The following GUCY1B1 variants were observed in gnomAD, a reference collection of about 807,000 sequenced individuals.
The protein encoded by GUCY1B1 is guanylate cyclase soluble subunit beta-1.
Under a neutral mutation model 71.0 loss-of-function variants are expected in GUCY1B1, and 43 were observed. The ratio of observed to expected loss-of-function variants is 0.61; its 90% CI spans 0.47 to 0.78. The LOEUF (loss-of-function observed/expected upper bound fraction) is 0.78, where lower values mean the gene tolerates loss of function less well. GUCY1B1 is among the 30% of genes least tolerant of loss of function. GUCY1B1 has a pLI of 0.00. For missense variants in GUCY1B1, 535 were observed against 754.1 expected (o/e 0.71, Z 3.40); for synonymous variants, 266 against 259.7 (o/e 1.02, Z -0.23).
chr4:155,764,389 G>A (rs1380504), intron 2 of GUCY1B1, among the ~76,000 whole-genome samples: 125,054 of 152,090 alleles, frequency 0.82, 51,499 homozygotes, highest in East Asian at 0.84. Context: ...AACAAAGTTG[G>A]TTTTCCAAGA....
chr4:155,760,807 G>A (rs1268357592), intron 2 of GUCY1B1, among the ~76,000 whole-genome samples: 2 of 152,226 alleles, frequency 1.3e-5, no homozygotes, highest in Admixed American at 1.3e-4. Context: ...TGGGTGGGCA[G>A]ATGGGAATAC....
At chr4:155,767,098 C>T (rs562229127) in intron 2 of GUCY1B1, among the ~76,000 whole-genome samples, 2 of 152,268 alleles carry the variant, frequency 1.3e-5, no homozygotes, top group Admixed American at 6.5e-5. Flanking sequence ...GATTTGAACA[C>T]AGATAAAGTT....
intron 2 of GUCY1B1, among the ~76,000 whole-genome samples, chr4:155,765,762 T>C (rs1369954328): frequency 2.0e-5 from 3 of 152,284 alleles, no homozygotes; most frequent in Admixed American, 1.3e-4. Context: ...TCCAGCCCCA[T>C]GGGCCTGTTT....
chr4:155,779,486 T>C (rs1370843260), intron 4 of GUCY1B1, among the ~76,000 whole-genome samples: 6 of 149,664 alleles, frequency 4.0e-5, no homozygotes, highest in Non-Finnish European at 7.4e-5. Context: ...GTAGTTAACA[T>C]AGCTTTAAAT....
At chr4:155,784,195 T>A (rs2111078461) in intron 4 of GUCY1B1, among the ~76,000 whole-genome samples, 1 of 152,302 alleles carries the variant, frequency 6.6e-6, no homozygotes, top group African/African-American at 2.4e-5. Context: ...GTGACTCTGG[T>A]ACAGTTTCTT....
At chr4:155,779,339 A>G (rs1464949598) in intron 4 of GUCY1B1, among the ~76,000 whole-genome samples, 1 of 152,230 alleles carries the variant, frequency 6.6e-6, no homozygotes. Context: ...ACAAAGTGCA[A>G]TGTGCTGCAA....
chr4:155,802,511 C>A lies in GUCY1B1; in HGVS notation c.1345C>A (p.Leu449Ile), dbSNP rs1740027967. 1 of 1,612,604 alleles carries A rather than the reference C, an allele frequency of 6.2e-7. No homozygotes were observed. Among genetic ancestry groups the A allele is most frequent in the African/African-American group, 1.3e-5 (1 of 74,628 alleles). The change falls in exon 10 of 14, where the codon CTC becomes ATC. Residue 449 changes from leucine (L) to isoleucine (I), a missense_variant. Leu to Ile is a conservative substitution (Grantham distance 5). Coordinates refer to ENST00000264424, the MANE Select transcript of GUCY1B1 (RefSeq NM_000857.5). The surrounding 1 kb of genome is among the most constrained non-coding windows in gnomAD (Gnocchi z 4.3). ...SGEGAMKIVN[L>I]LNDLYTRFDT... ...AGAAGGAGCCATGAAGATCGTCAAC[C>A]TCCTCAACGACCTCTACACCAGATT... is the stretch of plus-strand genomic sequence containing the variant.
intron 8 of GUCY1B1, 33 bp downstream of exon 8, chr4:155,796,543 C>G (rs538361404): frequency 2.8e-6 from 4 of 1,447,014 alleles, no homozygotes; most frequent in Non-Finnish European, 3.8e-6. Context: ...TAGTGGCTAT[C>G]AGTACCTATC....
chr4:155,793,800 A>G (rs1276792995), intron 5 of GUCY1B1, 56 bp from the exon 6 acceptor site: 281 of 786,968 alleles, frequency 3.6e-4, no homozygotes, highest in Non-Finnish European at 2.8e-5. Context: ...ATATTTAGGT[A>G]TTTTTATTAA....
chr4:155,773,303 G>A (rs1220722299), intron 2 of GUCY1B1, among the ~76,000 whole-genome samples: 3 of 152,118 alleles, frequency 2.0e-5, no homozygotes, highest in African/African-American at 4.8e-5. Flanking sequence ...TGTTACATGC[G>A]TAGTAGGTGG....
intron 8 of GUCY1B1, among the ~76,000 whole-genome samples, chr4:155,796,889 A>T (rs1330944298): frequency 6.6e-6 from 1 of 152,210 alleles, no homozygotes. Flanking sequence ...TATATTTGAC[A>T]TCAAAAATTA....
At chr4:155,790,346 A>G (rs184039795) in intron 5 of GUCY1B1, among the ~76,000 whole-genome samples, 1 of 152,154 alleles carries the variant, frequency 6.6e-6, no homozygotes. Flanking sequence ...ATATAGTTGG[A>G]ATGTCTAATT....
At chr4:155,771,795 A>C (rs1737710634) in intron 2 of GUCY1B1, among the ~76,000 whole-genome samples, 1 of 152,310 alleles carries the variant, frequency 6.6e-6, no homozygotes. Flanking sequence ...ACATCTAACT[A>C]CCTACCAAGA....
At chr4:155,766,037 C>T (rs1737311237) in intron 2 of GUCY1B1, among the ~76,000 whole-genome samples, 1 of 152,146 alleles carries the variant, frequency 6.6e-6, no homozygotes, top group Non-Finnish European at 1.5e-5. Flanking sequence ...GCCTCCATAA[C>T]TCTTTCTAGA....
rs118006379 is a variant in GUCY1B1, at chr4:155,803,928, A to G, written c.1554+164A>G. On this transcript the variant is annotated intron_variant, in intron 11 of 13. Transcript: ENST00000264424. ...CACTGTACTACATTCTTTCATAGAC[A>G]TGGAGATTTATCTACCTGTTTGAAA... 2.5e-3 allele frequency among the ~76,000 whole-genome samples: 374 copies of G among 152,348 alleles called. 1 individual carries two copies. The East Asian group carries it at 0.026, about 10-fold the overall frequency.
chr4:155,791,779 CA>C (rs10669957), intron 5 of GUCY1B1, among the ~76,000 whole-genome samples: 2 of 144,452 alleles, frequency 1.4e-5, no homozygotes, highest in Non-Finnish European at 1.5e-5. Flanking sequence ...AAACGAAAAA[CA>C]AAAAAAAACA....
At chr4:155,791,175 C>T (rs1027198210) in intron 5 of GUCY1B1, among the ~76,000 whole-genome samples, 1 of 150,362 alleles carries the variant, frequency 6.7e-6, no homozygotes, top group Non-Finnish European at 1.5e-5. Flanking sequence ...AGTGCAGTGG[C>T]GCGATCTCCG....
chr4:155,802,250 A>G lies in GUCY1B1; in HGVS notation c.1176-92A>G. The G allele has an allele frequency of 1.3e-6, 2 of 1,566,640 alleles. No individual in the cohort carries two copies. Among genetic ancestry groups the G allele is most frequent in the Non-Finnish European group, 1.7e-6 (2 of 1,158,560 alleles). ...TAGAATCCAGGCCTTTAAAGTACAA[A>G]CGACACTGATGCTGTGTGAAAAGGA... On this transcript the variant is annotated intron_variant, in intron 9 of 13. Coordinates refer to ENST00000264424, the MANE Select transcript of GUCY1B1 (RefSeq NM_000857.5). This position sits in a 1 kb window ranked among gnomAD's most constrained non-coding sequence, Gnocchi z 4.3.
At position 155,807,754 on chromosome 4, in the gene GUCY1B1, T is replaced by G. The variant is rs1201693048; in HGVS notation, c.*1345T>G. On this transcript the variant is annotated 3_prime_UTR_variant, in exon 14 of 14. Transcript: ENST00000264424. ...TATTCTTAAATGCTATATTTCTTTT[T>G]AATACCAACAGAGTGACAGGAAATA... is the stretch of plus-strand genomic sequence containing the variant. 1.3e-5 allele frequency among the ~76,000 whole-genome samples: 2 copies of G among 152,124 alleles called. No homozygotes were observed. The highest frequency in any genetic ancestry group is 2.9e-5 in the Non-Finnish European group (2 of 68,010).
Sources: allele counts gnomAD v4.1 joint callset (sites outside exome capture counted in the v4.1 genomes callset), GRCh38; gene constraint gnomAD v4.1.1; non-coding constraint Gnocchi (gnomAD v3.1); transcripts MANE v1.5; gene names NCBI Gene and HGNC (gene_info 2026-07-23, HGNC 2026-07-21).